Variants in COL4A3 observed in about 807,000 individuals in gnomAD.
COL4A3 encodes the protein collagen type IV alpha 3 chain.
COL4A3 carries 135 observed loss-of-function variants against 217.4 expected under a neutral mutation model. The observed-to-expected ratio is 0.62, with a 90% CI of 0.54 to 0.72. The LOEUF (loss-of-function observed/expected upper bound fraction) is 0.72. COL4A3 is among the 30% of genes least tolerant of loss of function. The probability of loss-of-function intolerance (pLI) is 0.00; values close to 1 mark genes in which losing one functional copy is unlikely to be tolerated. For synonymous variants in COL4A3, 690 were observed against 736.3 expected (o/e 0.94, Z 1.02); for missense variants, 1,868 against 2,119.9 (o/e 0.88, Z 2.33).
In COL4A3 at chr2:227,191,100, T is replaced by C. The variant is rs1202391965; in HGVS notation, c.87+26287T>C. On this transcript the variant is annotated intron_variant, in intron 1 of 51. Coordinates refer to ENST00000396578, the MANE Select transcript of COL4A3 (RefSeq NM_000091.5). The surrounding 1 kb of genome is among the most constrained non-coding windows in gnomAD (Gnocchi z 6.8). ...TTTTTTCTCTTAAAAATAGACTACA[T>C]AAATAATACGTATATGGCCATGGAA... 1.3e-5 allele frequency among the ~76,000 whole-genome samples: 2 copies of C among 152,172 alleles called. No homozygotes were observed. The highest frequency in any genetic ancestry group is 2.9e-5 in the Non-Finnish European group (2 of 68,028).
At chr2:227,177,210 C>CG (rs1338926990) in intron 1 of COL4A3, among the ~76,000 whole-genome samples, 2 of 147,710 alleles carry the variant, frequency 1.4e-5, no homozygotes, top group Non-Finnish European at 3.0e-5. Context: ...AGTGCAGTGG[C>CG]GCCATCTAGG....
chr2:227,170,398 T>A (rs1333922064), intron 1 of COL4A3, among the ~76,000 whole-genome samples: 3 of 148,954 alleles, frequency 2.0e-5, no homozygotes, highest in East Asian at 3.9e-4. Flanking sequence ...GAAAAAGAGG[T>A]TTAATGGACT....
intron 1 of COL4A3, among the ~76,000 whole-genome samples, chr2:227,223,559 C>G (rs13426559): frequency 1.7e-5 from 2 of 116,496 alleles, no homozygotes; most frequent in African/African-American, 5.5e-5. Flanking sequence ...CATGGTGAGA[C>G]GCCCCCCCAA....
chr2:227,266,355 C>T (rs561892316), intron 21 of COL4A3, 62 bp from the exon 22 acceptor site: 96 of 1,207,128 alleles, frequency 8.0e-5, no homozygotes, highest in Non-Finnish European at 2.3e-5. Flanking sequence ...ACATATATTA[C>T]AATACTTGCT....
intron 28 of COL4A3, 30 bp from the exon 29 acceptor site, chr2:227,279,763 A>G (rs1559893726): frequency 6.8e-7 from 1 of 1,460,592 alleles, no homozygotes; most frequent in Non-Finnish European, 9.5e-7. Flanking sequence ...GACTAATCCT[A>G]CAACAATGTT....
At chr2:227,237,136 G>A (rs955392459) in intron 1 of COL4A3, among the ~76,000 whole-genome samples, 4 of 152,246 alleles carry the variant, frequency 2.6e-5, no homozygotes, top group Admixed American at 1.3e-4. Flanking sequence ...CTAACTCACA[G>A]CTGAATTTTT....
At chr2:227,248,597 G>A (rs914863009) in intron 9 of COL4A3, 77 bp downstream of exon 9, 10 of 959,826 alleles carry the variant, frequency 1.0e-5, no homozygotes, top group South Asian at 2.6e-5. Flanking sequence ...TCTTTACTTC[G>A]TCTCTCTTTT....
chr2:227,234,382 CGT>C (rs950657464), intron 1 of COL4A3, among the ~76,000 whole-genome samples: 4 of 152,186 alleles, frequency 2.6e-5, no homozygotes, highest in East Asian at 1.9e-4. Context: ...TTAATTTTAA[CGT>C]GTGTTAAAAT....
At chr2:227,172,526 C>T (rs115005954) in intron 1 of COL4A3, among the ~76,000 whole-genome samples, 7,303 of 150,104 alleles carry the variant, frequency 0.049, 219 homozygotes, top group Admixed American at 0.085. Flanking sequence ...TCGTCTTTGT[C>T]ATCTTCTTTC....
chr2:227,209,053 G>A (rs564191601), intron 1 of COL4A3, among the ~76,000 whole-genome samples: 1 of 152,292 alleles, frequency 6.6e-6, no homozygotes, highest in East Asian at 1.9e-4. Context: ...ACAAACTTTT[G>A]GAACCTCATT....
In COL4A3 at chr2:227,312,092, G is replaced by A; in HGVS notation, c.*222G>A. 2 of 686,364 alleles carry A rather than the reference G, an allele frequency of 2.9e-6. No individual in the cohort carries two copies. Among genetic ancestry groups the A allele is most frequent in the South Asian group, 4.0e-5 (2 of 50,578 alleles). The allele number at this position is 686,364 out of a possible 1,614,324, so 42.5% of individuals were successfully genotyped here. A position where few individuals can be genotyped will look rare whatever the true frequency, so the allele number is the denominator to read the frequency against. ...CTGTTTCAAAGTTCTCTGTGGCAAA[G>A]CAGCAACTATTCACAAAATATCACC... On this transcript the variant is annotated 3_prime_UTR_variant, in exon 52 of 52. Transcript: ENST00000396578.
intron 33 of COL4A3, 25 bp downstream of exon 33, chr2:227,283,881 A>G: frequency 6.4e-7 from 1 of 1,556,658 alleles, no homozygotes; most frequent in Non-Finnish European, 8.9e-7. Flanking sequence ...GTCTTTCTAA[A>G]TAGCAGGAAG....
intron 23 of COL4A3, among the ~76,000 whole-genome samples, chr2:227,267,639 C>G (rs2070985529): frequency 6.6e-6 from 1 of 152,152 alleles, no homozygotes; most frequent in African/African-American, 2.4e-5. Context: ...CCAGCGGGCA[C>G]TTGGCTGCAG....
rs958233156 is a variant in COL4A3, at chr2:227,264,085, CACTA to C, written c.1315+145_1315+148del. On this transcript the variant is annotated intron_variant, in intron 21 of 51. Transcript: ENST00000396578. Reference sequence around the variant, plus strand: ...GTTACCTTTCCAATGGTCTTCATTTCACTAACTGTCTGTGAAAGAAACTGATGCA... The same window carrying C: ...GTTACCTTTCCAATGGTCTTCATTTCACTGTCTGTGAAAGAAACTGATGCA... The C allele has an allele frequency of 5.3e-5, 49 of 917,778 alleles. No homozygotes were observed. In the African/African-American group the frequency reaches 7.2e-4, roughly 14 times the overall value. The allele number at this position is 917,778 out of a possible 1,614,324, so 56.9% of individuals were successfully genotyped here.
intron 1 of COL4A3, among the ~76,000 whole-genome samples, chr2:227,196,869 T>A (rs957725816): frequency 1.3e-5 from 2 of 151,828 alleles, no homozygotes; most frequent in Admixed American, 6.6e-5. Flanking sequence ...GTCATGTGGT[T>A]TGGATGTGTC....
At chr2:227,234,277 C>T (rs891451539) in intron 1 of COL4A3, among the ~76,000 whole-genome samples, 7 of 152,236 alleles carry the variant, frequency 4.6e-5, no homozygotes, top group South Asian at 2.1e-4. Flanking sequence ...CCAGTGTTTC[C>T]GGTACTGTTT....
chr2:227,285,276 C>CAAAAAAAAA (rs1222793392), intron 34 of COL4A3, among the ~76,000 whole-genome samples: 1 of 9,914 alleles, frequency 1.0e-4, no homozygotes, highest in Non-Finnish European at 2.7e-4. Context: ...ACTGCCAAAC[C>CAAAAAAAAA]TAAAAAAAAA....
At chr2:227,208,617 C>T (rs1023743341) in intron 1 of COL4A3, among the ~76,000 whole-genome samples, 6 of 152,134 alleles carry the variant, frequency 3.9e-5, no homozygotes, top group East Asian at 3.8e-4. Context: ...CCCAAATGTT[C>T]GGGGAGACTG....
chr2:227,266,425 G>A lies in COL4A3; in HGVS notation c.1324G>A (p.Val442Ile), dbSNP rs749806341. The change falls in exon 22 of 52, where the codon GTT becomes ATT. Residue 442 changes from valine (V) to isoleucine (I), a missense_variant. Around this residue, in one of 2 missense-constraint regions of COL4A3, gnomAD observed 1,503 missense variants for 1,786.1 expected, o/e 0.84. Transcript: ENST00000396578. ...GTGCTGTATTTTTATAGGTGACATCGTTTTTCGCAAGGGTCCACCTGGAGA... is the reference window on the plus strand; with the variant it reads ...GTGCTGTATTTTTATAGGTGACATCATTTTTCGCAAGGGTCCACCTGGAGA... ...PGPPGPPGDIVFRKGPPGDHG... is the reference protein window; with the variant it reads ...PGPPGPPGDIIFRKGPPGDHG... 2.9e-5 allele frequency: 47 copies of A among 1,613,744 alleles called. No individual in the cohort carries two copies. The highest frequency in any genetic ancestry group is 3.1e-5 in the Non-Finnish European group (37 of 1,179,826).
Sources: gnomAD v4.1 joint callset for allele counts (sites outside exome capture counted in the v4.1 genomes callset) on GRCh38, gnomAD v4.1.1 for gene constraint, gnomAD v4.1.1 regional missense constraint, Gnocchi (gnomAD v3.1) non-coding constraint, MANE v1.5 for transcripts, NCBI Gene and HGNC (gene_info 2026-07-23, HGNC 2026-07-21) for gene names.